GID8: variants seen among roughly 807,000 people sequenced by gnomAD.
The protein encoded by GID8 is glucose-induced degradation protein 8 homolog.
GID8 carries 6 observed loss-of-function variants against 27.4 expected under a neutral mutation model. The ratio of observed to expected loss-of-function variants is 0.22; its 90% CI spans 0.12 to 0.43. GID8 has a LOEUF of 0.43. Ranked by LOEUF, GID8 falls within the 20% of genes least tolerant of loss-of-function variation. The pLI, the probability that GID8 is intolerant of heterozygous loss-of-function variation, is 1.00. For missense variants in GID8, 173 were observed against 287.6 expected (o/e 0.60, Z 2.88); for synonymous variants, 112 against 109.0 (o/e 1.03, Z -0.17).
At position 62,943,393 on chromosome 20, in the gene GID8, G is replaced by A. The variant is rs181828993; in HGVS notation, c.316-102G>A. The stretch of plus-strand genomic sequence containing the variant: ...TTGATAACTCAGAGATGCAAGAAAA[G>A]TCTTCCCTCTGTGATGTACTTTTGA... On this transcript the variant is annotated intron_variant, in intron 3 of 4. Coordinates refer to ENST00000266069, the MANE Select transcript of GID8 (RefSeq NM_017896.3). This position sits in a 1 kb window ranked among gnomAD's most constrained non-coding sequence, Gnocchi z 4.7. 6.6e-4 allele frequency: 758 copies of A among 1,156,286 alleles called. 4 individuals are homozygous for A. The highest frequency in any genetic ancestry group is 3.7e-5 in the Non-Finnish European group (29 of 792,934). 71.6% of individuals were successfully genotyped at this position (1,156,286 alleles called of 1,614,324 possible). A position where few individuals can be genotyped will look rare whatever the true frequency, so the allele number is the denominator to read the frequency against.
At chr20:62,938,781 G>A (rs1211301247) in intron 1 of GID8, 1 of 152,210 alleles carries the variant, frequency 6.6e-6, no homozygotes, top group Non-Finnish European at 1.5e-5. Context: ...TGCCCGGAGT[G>A]GAAGCGCTGT....
rs528596026 is a variant in GID8, at chr20:62,945,630, C to T, written c.*718C>T. 8.5e-7 allele frequency: 1 copy of T among 1,170,290 alleles called. No homozygotes were observed. The highest frequency in any genetic ancestry group is 1.6e-5 in the African/African-American group (1 of 62,118). 72.5% of individuals were successfully genotyped at this position (1,170,290 alleles called of 1,614,324 possible). A position where few individuals can be genotyped will look rare whatever the true frequency, so the allele number is the denominator to read the frequency against. ...GAAAATAAAGGTTTCTCTTTGATTT[C>T]AAGAATGACCAAAATGGCCTCTAAA... On this transcript the variant is annotated 3_prime_UTR_variant, in exon 5 of 5. Coordinates refer to ENST00000266069, the MANE Select transcript of GID8 (RefSeq NM_017896.3).
intron 1 of GID8, among the ~76,000 whole-genome samples, chr20:62,940,116 C>T (rs954370209): frequency 1.3e-5 from 2 of 151,746 alleles, no homozygotes; most frequent in Non-Finnish European, 2.9e-5. Flanking sequence ...TGTATTTTGT[C>T]TTGTTGTTCC....
chr20:62,943,835 G>GC lies in GID8; in HGVS notation c.513+144dup, dbSNP rs1183118105. On this transcript the variant is annotated intron_variant, in intron 4 of 4. Coordinates refer to ENST00000266069, the MANE Select transcript of GID8 (RefSeq NM_017896.3). This position sits in a 1 kb window ranked among gnomAD's most constrained non-coding sequence, Gnocchi z 4.7. ...TGGGATGCTAAGTGGTTCCTTCATGGCTTTTTTTTTTTTTTTTGGAGGTGA... is the reference window on the plus strand; with the variant it reads ...TGGGATGCTAAGTGGTTCCTTCATGGCCTTTTTTTTTTTTTTTTGGAGGTGA... The GC allele has an allele frequency of 5.0e-5, 28 of 562,390 alleles. No individual in the cohort carries two copies. The South Asian group carries it at 6.0e-4, about 12-fold the overall frequency. 34.8% of individuals were successfully genotyped at this position (562,390 alleles called of 1,614,324 possible).
chr20:62,938,764 A>G (rs972572015), intron 1 of GID8: 3 of 152,190 alleles, frequency 2.0e-5, no homozygotes, highest in Non-Finnish European at 2.9e-5. Context: ...TCATGGGCGC[A>G]CGTAACTGCC....
rs144636445 is a variant in GID8 at position 62,943,006 on chromosome 20, G to A, written c.138G>A (p.Ala46=). 87 of 1,613,312 alleles carry A rather than the reference G, an allele frequency of 5.4e-5. No homozygotes were observed. The African/African-American group carries it at 5.7e-4, about 11-fold the overall frequency. The change falls in exon 3 of 5, where the codon GCG becomes GCA. Residue 46 remains alanine (A), a synonymous_variant. Transcript: ENST00000266069. The surrounding 1 kb of genome is among the most constrained non-coding windows in gnomAD (Gnocchi z 4.7). The part of the protein sequence containing the change: ...YLVTEGFKEA[A]EKFRMESGIE... ...ATTCAGAGGGCTTTAAGGAAGCAGC[G>A]GAGAAGTTTCGAATGGAATCTGGAA...
intron 1 of GID8, chr20:62,938,746 G>C (rs1384741294): frequency 2.6e-5 from 4 of 152,190 alleles, no homozygotes; most frequent in Non-Finnish European, 5.9e-5. Context: ...CTACAAAGTT[G>C]TTGCTTTTCA....
rs2065469869 is a variant in GID8 at position 62,947,123 on chromosome 20, C to T, written c.*2211C>T. 1 of 152,234 alleles carries T rather than the reference C, an allele frequency of 6.6e-6. No homozygotes were observed. The highest frequency in any genetic ancestry group is 6.5e-5 in the Admixed American group (1 of 15,284). The allele number at this position is 152,234 out of a possible 1,614,324, so 9.4% of individuals were successfully genotyped here. On this transcript the variant is annotated 3_prime_UTR_variant, in exon 5 of 5. Coordinates refer to ENST00000266069, the MANE Select transcript of GID8 (RefSeq NM_017896.3). ...AGCCAGTGCCAGCATCCAGCATGAG[C>T]AGATGTCGGGGAGACTGGGAAGTCT...
In GID8 at chr20:62,944,770, A is replaced by G. The variant is rs2065458257; in HGVS notation, c.545A>G (p.Asp182Gly). Residue 182 changes from aspartate (D) to glycine (G), a missense_variant, in exon 5 of 5, where the codon GAT becomes GGT. Asp to Gly is a moderately conservative substitution (Grantham distance 94). Coordinates refer to ENST00000266069, the MANE Select transcript of GID8 (RefSeq NM_017896.3). ...AGTGAAGTTAACCAAGCTGTGCTAG[A>G]TTATGAAAATCGCGAGTCAACACCC... ...VWSEVNQAVL[D>G]YENRESTPKL... 6.2e-7 allele frequency: 1 copy of G among 1,614,038 alleles called. No individual in the cohort carries two copies. Among genetic ancestry groups the G allele is most frequent in the Non-Finnish European group, 8.5e-7 (1 of 1,179,846 alleles).
chr20:62,941,662 C>T (rs1444434347), intron 2 of GID8, 42 bp downstream of exon 2: 3 of 1,105,264 alleles, frequency 2.7e-6, no homozygotes, highest in South Asian at 2.5e-5. Flanking sequence ...GAATGTGATT[C>T]TCCCTTTTTG....
Position 62,946,233 on chromosome 20 carries a change from C to T in GID8, c.*1321C>T, listed in dbSNP as rs2065466003. 3.0e-6 allele frequency: 1 copy of T among 336,292 alleles called. No homozygotes were observed. Among genetic ancestry groups the T allele is most frequent in the African/African-American group, 2.2e-5 (1 of 46,026 alleles). 20.8% of individuals were successfully genotyped at this position (336,292 alleles called of 1,614,324 possible). ...TCTGAGGGGCAGAATGCTGCTAGCA[C>T]TTGAATCTGGGATCTCGCCTTATTC... On this transcript the variant is annotated 3_prime_UTR_variant, in exon 5 of 5. Transcript: ENST00000266069.
rs576474399 is a variant in GID8, at chr20:62,943,578, C to T, written c.399C>T (p.Gly133=). The T allele has an allele frequency of 4.1e-5, 66 of 1,613,436 alleles. 3 individuals carry two copies. The South Asian group carries it at 4.6e-4, about 11-fold the overall frequency. The stretch of plus-strand genomic sequence containing the variant: ...CACAGACTCAGCTGGCGGAGCAGGG[C>T]GAGGAGAGCCGAGAGTGCCTCACAG... ...EFAQTQLAEQ[G]EESRECLTEM... The change falls in exon 4 of 5, where the codon GGC becomes GGT. Residue 133 remains glycine, a synonymous_variant. Coordinates refer to ENST00000266069, the MANE Select transcript of GID8 (RefSeq NM_017896.3). This position sits in a 1 kb window ranked among gnomAD's most constrained non-coding sequence, Gnocchi z 4.7.
Position 62,945,173 on chromosome 20 carries a change from G to A in GID8, c.*261G>A, listed in dbSNP as rs2065460791. On this transcript the variant is annotated 3_prime_UTR_variant, in exon 5 of 5. Coordinates refer to ENST00000266069, the MANE Select transcript of GID8 (RefSeq NM_017896.3). Reference sequence around the variant, plus strand: ...TGAAGAATCTGGAAGGTTGCGGTTTGCTCTTCCAGTGTTCGGGGGCCTCTG... The same window carrying A: ...TGAAGAATCTGGAAGGTTGCGGTTTACTCTTCCAGTGTTCGGGGGCCTCTG... The A allele has an allele frequency of 1.6e-6, 2 of 1,249,430 alleles. No individual in the cohort carries two copies. Among genetic ancestry groups the A allele is most frequent in the African/African-American group, 1.5e-5 (1 of 66,528 alleles). The allele number at this position is 1,249,430 out of a possible 1,614,324, so 77.4% of individuals were successfully genotyped here.
Position 62,946,232 on chromosome 20 carries a change from A to T in GID8, c.*1320A>T. 3.0e-6 allele frequency: 1 copy of T among 335,004 alleles called. No individual in the cohort carries two copies. The highest frequency in any genetic ancestry group is 2.2e-5 in the South Asian group (1 of 44,992). 20.8% of individuals were successfully genotyped at this position (335,004 alleles called of 1,614,324 possible). ...ATCTGAGGGGCAGAATGCTGCTAGC[A>T]CTTGAATCTGGGATCTCGCCTTATT... On this transcript the variant is annotated 3_prime_UTR_variant, in exon 5 of 5. Transcript: ENST00000266069.
Position 62,945,051 on chromosome 20 carries a change from T to C in GID8, c.*139T>C. On this transcript the variant is annotated 3_prime_UTR_variant, in exon 5 of 5. Transcript: ENST00000266069. ...ACTTTTTTTTGACCTGGCATCTTTT[T>C]ATAGGGAAAAATGGCCTTTGTAGGC... The C allele has an allele frequency of 1.4e-6, 2 of 1,429,672 alleles. No individual in the cohort carries two copies. The highest frequency in any genetic ancestry group is 1.8e-6 in the Non-Finnish European group (2 of 1,094,474). 88.6% of individuals were successfully genotyped at this position (1,429,672 alleles called of 1,614,324 possible).
rs373206790 is a variant in GID8, at chr20:62,941,026, C to T, written c.-12-465C>T. On this transcript the variant is annotated intron_variant, in intron 1 of 4. Transcript: ENST00000266069. The stretch of plus-strand genomic sequence containing the variant: ...AATTCTGAATTCCAAAACCCATCTG[C>T]CCAAGGGTTTTAAACATGCAGTTCT... Among the ~76,000 whole-genome samples the T allele has an allele frequency of 1.4e-4, 22 of 152,354 alleles. 1 individual carries two copies. The highest frequency in any genetic ancestry group is 5.3e-4 in the African/African-American group (22 of 41,584).
Position 62,945,363 on chromosome 20 carries a change from T to G in GID8, c.*451T>G, listed in dbSNP as rs1236997686. 1.0e-6 allele frequency: 1 copy of G among 988,730 alleles called. No homozygotes were observed. The highest frequency in any genetic ancestry group is 1.2e-6 in the Non-Finnish European group (1 of 830,844). The allele number at this position is 988,730 out of a possible 1,614,324, so 61.2% of individuals were successfully genotyped here. ...TACCCCTGTGGTTTTTGTGTTTTTT[T>G]TTTTTTCTTTTTCCATAGGAAAGAA... On this transcript the variant is annotated 3_prime_UTR_variant, in exon 5 of 5. Transcript: ENST00000266069.
chr20:62,942,780 A>T (rs1349154936), intron 2 of GID8, among the ~76,000 whole-genome samples: 1 of 152,252 alleles, frequency 6.6e-6, no homozygotes, highest in African/African-American at 2.4e-5. Context: ...ATGGGATAAC[A>T]AGGAATGAAG....
rs1003577993 is a variant in GID8, at chr20:62,945,542, T to C, written c.*630T>C. ...ATTTTTTAAATATATATTTTGGTGC[T>C]GTGTGTGGTAAGAGACTTGTTCCTA... On this transcript the variant is annotated 3_prime_UTR_variant, in exon 5 of 5. Transcript: ENST00000266069. 1.4e-5 allele frequency: 15 copies of C among 1,073,582 alleles called. No individual in the cohort carries two copies. The Admixed American group carries it at 4.5e-4, about 32-fold the overall frequency. The allele number at this position is 1,073,582 out of a possible 1,614,324, so 66.5% of individuals were successfully genotyped here.
Sources: gnomAD v4.1 joint callset for allele counts (sites outside exome capture counted in the v4.1 genomes callset) on GRCh38, gnomAD v4.1.1 for gene constraint, Gnocchi (gnomAD v3.1) non-coding constraint, MANE v1.5 for transcripts, NCBI Gene and HGNC (gene_info 2026-07-23, HGNC 2026-07-21) for gene names.